Variants in BLM observed in about 807,000 individuals in gnomAD.
The protein encoded by BLM is BLM RecQ like helicase.
In BLM, 95 loss-of-function variants were observed where a neutral mutation model predicts 135.3. The ratio of observed to expected loss-of-function variants is 0.70; its 90% CI spans 0.59 to 0.83. The LOEUF is 0.83. Among genes scored for constraint, BLM ranks in the 40% least tolerant of loss-of-function variants. BLM has a pLI of 0.00. For missense variants in BLM, 1,518 were observed against 1,663.9 expected (o/e 0.91, Z 1.53); for synonymous variants, 520 against 589.2 (o/e 0.88, Z 1.70).
intron 17 of BLM, among the ~76,000 whole-genome samples, chr15:90,802,618 C>T (rs1897189566): frequency 6.6e-6 from 1 of 152,014 alleles, no homozygotes; most frequent in Admixed American, 6.6e-5. Flanking sequence ...ATAACCAGGG[C>T]CAGGGATCAT....
chr15:90,794,290 A>T lies in BLM; in HGVS notation c.3143A>T (p.Asn1048Ile). The T allele has an allele frequency of 6.2e-7, 1 of 1,606,956 alleles. No individual in the cohort carries two copies. Among genetic ancestry groups the T allele is most frequent in the Non-Finnish European group, 8.5e-7 (1 of 1,176,178 alleles). ...RIQLLAYFGE[N>I]GFNPDFCKKH... The stretch of plus-strand genomic sequence containing the variant: ...CAGCTTTTGGCCTACTTTGGTGAAA[A>T]TGGATTTAATCCTGATTTTTGTAAG... Residue 1048 changes from asparagine (N) to isoleucine (I), a missense_variant, in exon 16 of 22, where the codon AAT becomes ATT. Transcript: ENST00000355112.
intron 18 of BLM, 68 bp downstream of exon 18, chr15:90,803,788 A>T: frequency 3.4e-6 from 5 of 1,477,562 alleles, no homozygotes; most frequent in Non-Finnish European, 4.7e-6. Flanking sequence ...ATTGTGAAGT[A>T]TAGTGTCTTT....
intron 1 of BLM, among the ~76,000 whole-genome samples, chr15:90,730,861 A>C (rs1895049943): frequency 1.3e-5 from 2 of 152,210 alleles, no homozygotes; most frequent in Admixed American, 1.3e-4. Context: ...GTTGTGGTGA[A>C]TTATATTAAT....
At chr15:90,792,353 G>A (rs1479613793) in intron 15 of BLM, among the ~76,000 whole-genome samples, 5 of 151,926 alleles carry the variant, frequency 3.3e-5, no homozygotes, top group East Asian at 2.0e-4. Context: ...TGATCTGTCC[G>A]CCTCAGCCTC....
At chr15:90,814,165 T>G (rs999627681) in intron 21 of BLM, among the ~76,000 whole-genome samples, 2 of 152,208 alleles carry the variant, frequency 1.3e-5, no homozygotes, top group Non-Finnish European at 2.9e-5. Flanking sequence ...CATCAGAATG[T>G]CATTACCCAC....
chr15:90,809,370 T>G, intron 20 of BLM, 111 bp downstream of exon 20: 7 of 1,555,234 alleles, frequency 4.5e-6, no homozygotes, highest in African/African-American at 1.4e-5. Context: ...CTCGTCACAC[T>G]GACATCCAAG....
At chr15:90,771,284 C>T (rs540570315) in intron 12 of BLM, among the ~76,000 whole-genome samples, 5 of 152,220 alleles carry the variant, frequency 3.3e-5, no homozygotes, top group Non-Finnish European at 5.9e-5. Flanking sequence ...GTCAGGAGTT[C>T]GAGACCAGCC....
intron 10 of BLM, 82 bp downstream of exon 10, chr15:90,767,105 A>T: frequency 1.1e-6 from 1 of 881,394 alleles, no homozygotes; most frequent in Non-Finnish European, 1.7e-6. Context: ...AAAATTTTGT[A>T]TACGTAGTGC....
At chr15:90,759,737 G>C (rs976007001) in intron 5 of BLM, among the ~76,000 whole-genome samples, 1 of 151,866 alleles carries the variant, frequency 6.6e-6, no homozygotes, top group African/African-American at 2.4e-5. Flanking sequence ...CTCCCGAGTA[G>C]CTGGGATTAC....
At position 90,785,064 on chromosome 15, in the gene BLM, A is replaced by G. The variant is rs1422513540; in HGVS notation, c.2806A>G (p.Asn936Asp). 2.5e-6 allele frequency: 4 copies of G among 1,614,056 alleles called. No homozygotes were observed. Among genetic ancestry groups the G allele is most frequent in the Non-Finnish European group, 3.4e-6 (4 of 1,180,028 alleles). Reference sequence around the variant, plus strand: ...AGATGAAGTGCAGCAGAAGTGGATTAATCAGGATGGCTGTCAGGTAACATT... The same window carrying G: ...AGATGAAGTGCAGCAGAAGTGGATTGATCAGGATGGCTGTCAGGTAACATT... ...ARDEVQQKWI[N>D]QDGCQVICAT... Residue 936 changes from asparagine to aspartate, a missense_variant, in exon 14 of 22, where the codon AAT becomes GAT. Transcript: ENST00000355112.
intron 9 of BLM, among the ~76,000 whole-genome samples, chr15:90,765,855 G>A (rs772786978): frequency 7.2e-5 from 11 of 152,202 alleles, no homozygotes; most frequent in Non-Finnish European, 1.3e-4. Context: ...GCTCATGCCT[G>A]TAATCCCAGT....
In BLM at chr15:90,760,935, C is replaced by T. The variant is rs1473790026; in HGVS notation, c.1562C>T (p.Pro521Leu). Residue 521 changes from proline (P) to leucine (L), a missense_variant, in exon 7 of 22, where the codon CCA becomes CTA. By Grantham distance (98) the Pro-to-Leu change is moderately conservative (BLOSUM62 -3). Around this residue, in one of 5 missense-constraint regions of BLM, gnomAD observed 724 missense variants for 756.9 expected, o/e 0.96. Coordinates refer to ENST00000355112, the MANE Select transcript of BLM (RefSeq NM_000057.4). ...LGKKNESSYF[P>L]GNVLTSTAVK... is the part of the protein sequence containing the mutation. ...AAAAAAAATGAAAGCTCTTATTTCC[C>T]AGGAAATGTTCTCACAAGCACTGCT... 1 of 1,613,798 alleles carries T rather than the reference C, an allele frequency of 6.2e-7. No individual in the cohort carries two copies.
chr15:90,769,979 T>C (rs1229114991), intron 12 of BLM, among the ~76,000 whole-genome samples: 1 of 152,148 alleles, frequency 6.6e-6, no homozygotes, highest in African/African-American at 2.4e-5. Flanking sequence ...TAGAGTATAC[T>C]TCTTGAAATG....
intron 12 of BLM, 37 bp downstream of exon 12, chr15:90,769,623 G>A (rs1273197180): frequency 1.2e-6 from 2 of 1,603,568 alleles, no homozygotes; most frequent in Non-Finnish European, 1.7e-6. Context: ...AGAACCCTGG[G>A]GCAGTGACTG....
At chr15:90,778,889 C>CTTTT (rs60733714) in intron 12 of BLM, among the ~76,000 whole-genome samples, 1 of 135,044 alleles carries the variant, frequency 7.4e-6, no homozygotes, top group Non-Finnish European at 1.6e-5. Flanking sequence ...TTAACCCTTT[C>CTTTT]TTTTTTTTTT....
Position 90,811,920 on chromosome 15 carries a change from A to C in BLM, c.4076+514A>C, listed in dbSNP as rs28385162. 2.0e-5 allele frequency among the ~76,000 whole-genome samples: 3 copies of C among 152,238 alleles called. No homozygotes were observed. The East Asian group carries it at 5.8e-4, about 29-fold the overall frequency. On this transcript the variant is annotated intron_variant, in intron 21 of 21. Transcript: ENST00000355112. ...TGATCAGCCCACTTTGGTCTCCCCA[A>C]AGTGCTGGATTACAGACGTGAGCCA... is the stretch of plus-strand genomic sequence containing the variant.
chr15:90,740,022 T>C lies in BLM; in HGVS notation c.-4-7367T>C, dbSNP rs578056352. 4.4e-4 allele frequency among the ~76,000 whole-genome samples: 67 copies of C among 152,248 alleles called. 4 individuals carry two copies. The South Asian group carries it at 0.013, about 29-fold the overall frequency. On this transcript the variant is annotated intron_variant, in intron 1 of 21. Coordinates refer to ENST00000355112, the MANE Select transcript of BLM (RefSeq NM_000057.4). ...TCAAGCGATCCCCCCGCCTCAGCCT[T>C]CCAAAGGGCTGGGATTACAGGCATG...
intron 4 of BLM, among the ~76,000 whole-genome samples, chr15:90,752,566 T>C (rs1308331409): frequency 2.0e-5 from 3 of 152,192 alleles, no homozygotes; most frequent in Non-Finnish European, 4.4e-5. Context: ...TAACCCATTA[T>C]ATGGGAAGTG....
chr15:90,747,505 T>C lies in BLM; in HGVS notation c.98+15T>C, dbSNP rs2151145139. ...CCAAAATTTTCGTAAGTGTTTTGACTGGTTTGCTGTCACATAGGCACTAAC... is the reference window on the plus strand; with the variant it reads ...CCAAAATTTTCGTAAGTGTTTTGACCGGTTTGCTGTCACATAGGCACTAAC... On this transcript the variant is annotated intron_variant, in intron 2 of 21. Transcript: ENST00000355112. 3 of 1,529,480 alleles carry C rather than the reference T, an allele frequency of 2.0e-6. No homozygotes were observed. The Admixed American group carries it at 5.2e-5, about 26-fold the overall frequency. 94.7% of individuals were successfully genotyped at this position (1,529,480 alleles called of 1,614,324 possible).
Sources: allele counts gnomAD v4.1 joint callset (sites outside exome capture counted in the v4.1 genomes callset), GRCh38; gene constraint gnomAD v4.1.1; regional missense constraint gnomAD v4.1.1; transcripts MANE v1.5; gene names NCBI Gene and HGNC (gene_info 2026-07-23, HGNC 2026-07-21).